KCNQ5: variants seen among roughly 807,000 people sequenced by gnomAD.
KCNQ5 encodes the protein potassium voltage-gated channel subfamily Q member 5.
Under a neutral mutation model 98.2 loss-of-function variants are expected in KCNQ5, and 30 were observed. That is an observed-to-expected ratio of 0.31 (90% confidence interval 0.23 to 0.41). KCNQ5 has a LOEUF of 0.41. Among genes scored for constraint, KCNQ5 ranks in the 10% least tolerant of loss-of-function variants. KCNQ5 has a pLI of 1.00. For missense variants in KCNQ5, 835 were observed against 1,182.5 expected, an observed-to-expected ratio of 0.71 and a Z score of 4.31; for synonymous variants, 458 against 449.4, an observed-to-expected ratio of 1.02 and a Z score of -0.24.
At chr6:72,644,964 G>A (rs1252976620) in intron 1 of KCNQ5, among the ~76,000 whole-genome samples, 1 of 152,098 alleles carries the variant, frequency 6.6e-6, no homozygotes, top group East Asian at 1.9e-4. Context: ...CAAATGCTAA[G>A]TATGACACTT....
At chr6:72,854,492 A>G (rs1777435255) in intron 1 of KCNQ5, among the ~76,000 whole-genome samples, 2 of 151,796 alleles carry the variant, frequency 1.3e-5, no homozygotes, top group Admixed American at 6.6e-5. Context: ...CAATATTACT[A>G]TGAAATTCTG....
intron 1 of KCNQ5, among the ~76,000 whole-genome samples, chr6:72,810,178 C>G (rs886109327): frequency 1.6e-4 from 24 of 152,138 alleles, no homozygotes; most frequent in African/African-American, 5.3e-4. Flanking sequence ...CTTAAATGCT[C>G]CTTAACAATG....
rs951011726 is a variant in KCNQ5 at position 73,195,345 on chromosome 6, A to G, written c.2730A>G (p.Ser910=). 6.8e-6 allele frequency: 11 copies of G among 1,614,106 alleles called. No individual in the cohort carries two copies. The African/African-American group carries it at 1.2e-4, about 18-fold the overall frequency. ...SDSLRTGRSR[S]SQSICKAGES... ...CTCTAAGGACTGGAAGGTCACGATC[A>G]TCTCAGAGCATTTGTAAGGCAGGAG... is the stretch of plus-strand genomic sequence containing the variant. The change falls in exon 14 of 14, where the codon TCA becomes TCG. Residue 910 remains serine, a synonymous_variant. Transcript: ENST00000370398.
intron 11 of KCNQ5, among the ~76,000 whole-genome samples, chr6:73,189,004 A>G (rs1029277594): frequency 6.6e-6 from 1 of 150,576 alleles, no homozygotes; most frequent in East Asian, 1.9e-4. Context: ...AAAAAAAAAA[A>G]AGACATCTAT....
chr6:73,008,418 A>G (rs1300837073), intron 2 of KCNQ5, among the ~76,000 whole-genome samples: 1 of 152,168 alleles, frequency 6.6e-6, no homozygotes, highest in East Asian at 1.9e-4. Context: ...AAGGGTGGAA[A>G]AGATATTTTA....
chr6:72,869,522 T>A (rs1778122049), intron 1 of KCNQ5, among the ~76,000 whole-genome samples: 1 of 152,264 alleles, frequency 6.6e-6, no homozygotes. Flanking sequence ...TTACTTTGGT[T>A]AAATACATGA....
At chr6:72,842,829 G>A (rs763935992) in intron 1 of KCNQ5, among the ~76,000 whole-genome samples, 3 of 151,904 alleles carry the variant, frequency 2.0e-5, no homozygotes, top group Non-Finnish European at 4.4e-5. Context: ...TTTTTGATGG[G>A]GCTCTTTGTG....
intron 7 of KCNQ5, among the ~76,000 whole-genome samples, chr6:73,116,302 T>C (rs925442945): frequency 7.2e-5 from 11 of 152,108 alleles, no homozygotes; most frequent in African/African-American, 2.2e-4. Context: ...TCGTTCAGGA[T>C]AGGAAGTTAA....
At chr6:72,993,993 C>T (rs1769150324) in intron 1 of KCNQ5, among the ~76,000 whole-genome samples, 1 of 81,406 alleles carries the variant, frequency 1.2e-5, no homozygotes. Context: ...GTCAGGGACC[C>T]ACTTGAGGAG....
intron 10 of KCNQ5, among the ~76,000 whole-genome samples, chr6:73,166,678 T>C (rs1030943457): frequency 7.9e-5 from 12 of 152,190 alleles, no homozygotes; most frequent in African/African-American, 2.4e-4. Context: ...TATCTCACAG[T>C]ACGGGAGTCC....
intron 1 of KCNQ5, among the ~76,000 whole-genome samples, chr6:72,920,408 T>C (rs916667298): frequency 1.4e-4 from 21 of 152,202 alleles, no homozygotes; most frequent in African/African-American, 4.6e-4. Context: ...GTTTGATCCC[T>C]TTAAAAATAG....
At chr6:73,056,463 CGTG>C (rs1772499585) in intron 3 of KCNQ5, among the ~76,000 whole-genome samples, 1 of 151,990 alleles carries the variant, frequency 6.6e-6, no homozygotes, top group Admixed American at 6.5e-5. Flanking sequence ...AAGGGTTTCT[CGTG>C]GTGGTTGAAA....
chr6:73,057,157 G>A (rs1241590431), intron 3 of KCNQ5, among the ~76,000 whole-genome samples: 1 of 152,088 alleles, frequency 6.6e-6, no homozygotes, highest in East Asian at 1.9e-4. Flanking sequence ...CATAAAAAAG[G>A]ATGAGTTCAT....
At chr6:73,120,765 A>G (rs931685690) in intron 8 of KCNQ5, among the ~76,000 whole-genome samples, 188 bp downstream of exon 8, 1 of 152,218 alleles carries the variant, frequency 6.6e-6, no homozygotes. Context: ...ATCATTCCTC[A>G]CAATCCACAG....
chr6:72,896,959 G>C (rs1490343335), intron 1 of KCNQ5, among the ~76,000 whole-genome samples: 2 of 151,956 alleles, frequency 1.3e-5, no homozygotes, highest in Admixed American at 6.6e-5. Context: ...TTGGTTGGTT[G>C]GTTGGTTTTT....
intron 2 of KCNQ5, among the ~76,000 whole-genome samples, chr6:73,016,025 A>G (rs1361605989): frequency 6.6e-6 from 1 of 152,180 alleles, no homozygotes; most frequent in Admixed American, 6.6e-5. Context: ...GATAGCAATG[A>G]ACAAAACAGC....
chr6:72,776,029 T>G (rs1773145862), intron 1 of KCNQ5, among the ~76,000 whole-genome samples: 1 of 152,222 alleles, frequency 6.6e-6, no homozygotes, highest in Non-Finnish European at 1.5e-5. Context: ...ACAGGTACCC[T>G]ACTAATGTAA....
At chr6:72,882,714 T>C (rs1242620259) in intron 1 of KCNQ5, among the ~76,000 whole-genome samples, 2 of 152,222 alleles carry the variant, frequency 1.3e-5, no homozygotes, top group Non-Finnish European at 1.5e-5. Context: ...AGTCATTATG[T>C]ACATGGATGG....
At chr6:72,833,802 C>G (rs538278932) in intron 1 of KCNQ5, among the ~76,000 whole-genome samples, 2 of 151,310 alleles carry the variant, frequency 1.3e-5, no homozygotes, top group Admixed American at 1.3e-4. Flanking sequence ...GAAAGTTCAT[C>G]CATAGGAAAG....
Sources: allele counts gnomAD v4.1 joint callset (sites outside exome capture counted in the v4.1 genomes callset), GRCh38; gene constraint gnomAD v4.1.1; transcripts MANE v1.5; gene names NCBI Gene and HGNC (gene_info 2026-07-23, HGNC 2026-07-21).